TLE4: variants seen among roughly 807,000 people sequenced by gnomAD.
The protein encoded by TLE4 is TLE family member 4, transcriptional corepressor, also known as transducin-like enhancer protein 4.
Under a neutral mutation model 92.8 loss-of-function variants are expected in TLE4, and 8 were observed. The ratio of observed to expected loss-of-function variants is 0.09; its 90% CI spans 0.05 to 0.16. The LOEUF (loss-of-function observed/expected upper bound fraction) is 0.16. Ranked by LOEUF, TLE4 falls within the 10% of genes least tolerant of loss-of-function variation. TLE4 has a pLI of 1.00. For missense variants in TLE4, 675 were observed against 997.6 expected (o/e 0.68, Z 4.36); for synonymous variants, 371 against 374.1 (o/e 0.99, Z 0.10).
At chr9:79,639,592 A>G (rs1393642246) in intron 6 of TLE4, among the ~76,000 whole-genome samples, 1 of 152,124 alleles carries the variant, frequency 6.6e-6, no homozygotes, top group East Asian at 1.9e-4. Flanking sequence ...AGTTTCATTT[A>G]TGATAAGTGC....
chr9:79,719,905 T>A, intron 15 of TLE4, 141 bp from the exon 16 acceptor site: 1 of 1,107,652 alleles, frequency 9.0e-7, no homozygotes, highest in Non-Finnish European at 1.3e-6. Flanking sequence ...TTTCTAGCAT[T>A]AATCCACTTT....
intron 14 of TLE4, among the ~76,000 whole-genome samples, chr9:79,717,674 A>G (rs1352697817): frequency 3.3e-5 from 5 of 152,216 alleles, no homozygotes; most frequent in African/African-American, 1.2e-4. Flanking sequence ...TAATTCTACA[A>G]CTTCCGCAGT....
chr9:79,578,748 AT>A (rs1564099373), intron 4 of TLE4, among the ~76,000 whole-genome samples: 1 of 152,186 alleles, frequency 6.6e-6, no homozygotes, highest in Non-Finnish European at 1.5e-5. Context: ...AATGTTGCCA[AT>A]TTTTAACAAT....
chr9:79,576,980 C>CATAT (rs751139268), intron 4 of TLE4, among the ~76,000 whole-genome samples: 4 of 150,194 alleles, frequency 2.7e-5, no homozygotes, highest in Admixed American at 2.0e-4. Flanking sequence ...TATATACATA[C>CATAT]ATATATATAT....
intron 4 of TLE4, among the ~76,000 whole-genome samples, chr9:79,600,872 C>T (rs1477864989): frequency 2.0e-5 from 3 of 152,294 alleles, no homozygotes; most frequent in South Asian, 2.1e-4. Context: ...TGACCTTTTA[C>T]TTCCTGTGGA....
chr9:79,606,187 G>GTTTTTTTTTTTTTTTTTTTTTTTTTTTTT lies in TLE4; in HGVS notation c.253-6459_253-6431dup, dbSNP rs71364420. On this transcript the variant is annotated intron_variant, in intron 4 of 19. Coordinates refer to ENST00000376552, the MANE Select transcript of TLE4 (RefSeq NM_007005.6). ...ATTGCTTTATTAAGCAGTAGTAGTT[G>GTTTTTTTTTTTTTTTTTTTTTTTTTTTTT]TTTTTTTTTTTTTTTTTTTTTTTTT... Among the ~76,000 whole-genome samples, 6 of 28,674 alleles carry GTTTTTTTTTTTTTTTTTTTTTTTTTTTTT rather than the reference G, an allele frequency of 2.1e-4. 3 individuals carry two copies. The highest frequency in any genetic ancestry group is 1.9e-3 in the East Asian group (2 of 1,032). 18.8% of individuals were successfully genotyped at this position (28,674 alleles called of 152,430 possible).
chr9:79,662,959 C>A (rs1325121358), intron 8 of TLE4, among the ~76,000 whole-genome samples: 1 of 152,034 alleles, frequency 6.6e-6, no homozygotes, highest in Non-Finnish European at 1.5e-5. Context: ...TGTTCTCCCC[C>A]TCACCCACCC....
intron 11 of TLE4, 100 bp from the exon 12 acceptor site, chr9:79,708,018 C>A: frequency 7.9e-7 from 1 of 1,267,386 alleles, no homozygotes; most frequent in Non-Finnish European, 1.1e-6. Flanking sequence ...GAACCTCTTC[C>A]ATTTCTTTTC....
Position 79,572,789 on chromosome 9 carries a change from G to A in TLE4, c.-2G>A, listed in dbSNP as rs753434041. 2 of 1,601,630 alleles carry A rather than the reference G, an allele frequency of 1.2e-6. No individual in the cohort carries two copies. The highest frequency in any genetic ancestry group is 1.7e-6 in the Non-Finnish European group (2 of 1,174,872). On this transcript the variant is annotated 5_prime_UTR_variant, in exon 1 of 20. Coordinates refer to ENST00000376552, the MANE Select transcript of TLE4 (RefSeq NM_007005.6). The stretch of plus-strand genomic sequence containing the variant: ...CGAGCGCAGCCAACTAAATCGGCTT[G>A]GATGATTCGCGACCTGAGCAAGATG...
chr9:79,610,531 T>TCA (rs201697967), intron 4 of TLE4, among the ~76,000 whole-genome samples: 7 of 151,834 alleles, frequency 4.6e-5, no homozygotes, highest in Non-Finnish European at 7.4e-5. Flanking sequence ...TTTTATGAAA[T>TCA]CACACACACA....
chr9:79,621,452 C>T (rs992125666), intron 5 of TLE4, among the ~76,000 whole-genome samples: 2 of 152,096 alleles, frequency 1.3e-5, no homozygotes, highest in Non-Finnish European at 2.9e-5. Flanking sequence ...AATTTAAAGA[C>T]AAAACTGGGT....
intron 8 of TLE4, among the ~76,000 whole-genome samples, chr9:79,695,464 A>C (rs1294590830): frequency 6.6e-6 from 1 of 152,162 alleles, no homozygotes; most frequent in African/African-American, 2.4e-5. Flanking sequence ...GGAATGCATA[A>C]TCTCCTATCT....
At position 79,645,210 on chromosome 9, in the gene TLE4, G is replaced by A. The variant is rs184257061; in HGVS notation, c.391-7383G>A. On this transcript the variant is annotated intron_variant, in intron 6 of 19. Transcript: ENST00000376552. ...TTCTTGATTTCTGGCACAAGATATA[G>A]CAGGTTCACCTTGCACTTGCACTTT... Among the ~76,000 whole-genome samples, 63 of 152,112 alleles carry A rather than the reference G, an allele frequency of 4.1e-4. No individual in the cohort carries two copies. In the South Asian group the frequency reaches 4.4e-3, roughly 11 times the overall value.
intron 8 of TLE4, among the ~76,000 whole-genome samples, chr9:79,669,301 C>T (rs559263983): frequency 1.3e-5 from 2 of 152,098 alleles, no homozygotes; most frequent in Admixed American, 6.5e-5. Flanking sequence ...AACTCACCAC[C>T]GTTTGATAGA....
chr9:79,592,771 A>AT (rs1274360053), intron 4 of TLE4, among the ~76,000 whole-genome samples: 2 of 152,068 alleles, frequency 1.3e-5, no homozygotes, highest in Non-Finnish European at 2.9e-5. Flanking sequence ...CTTTTCTTCC[A>AT]TTTTTTATTT....
chr9:79,724,797 T>C (rs991991392), intron 19 of TLE4, among the ~76,000 whole-genome samples: 1 of 127,900 alleles, frequency 7.8e-6, no homozygotes, highest in African/African-American at 2.9e-5. Flanking sequence ...CAGTGAGCCA[T>C]GGTCACACCA....
At chr9:79,647,666 C>G (rs961743795) in intron 6 of TLE4, among the ~76,000 whole-genome samples, 2 of 151,792 alleles carry the variant, frequency 1.3e-5, no homozygotes, top group African/African-American at 4.8e-5. Context: ...GTTTGCATAC[C>G]TACTAAGTGT....
At chr9:79,709,598 G>T (rs1180940470) in intron 13 of TLE4, 25 bp from the exon 14 acceptor site, 4 of 1,610,478 alleles carry the variant, frequency 2.5e-6, no homozygotes, top group African/African-American at 1.3e-5. Flanking sequence ...GCTTATTTCT[G>T]TTGTTTGCTT....
intron 8 of TLE4, among the ~76,000 whole-genome samples, chr9:79,689,527 T>C (rs1486290542): frequency 2.0e-5 from 3 of 152,198 alleles, no homozygotes; most frequent in African/African-American, 4.8e-5. Context: ...TACATCACTT[T>C]GTCAGCATTG....
Sources: allele counts gnomAD v4.1 joint callset (sites outside exome capture counted in the v4.1 genomes callset), GRCh38; gene constraint gnomAD v4.1.1; transcripts MANE v1.5; gene names NCBI Gene and HGNC (gene_info 2026-07-23, HGNC 2026-07-21).